Variants in RIPOR3 observed in about 807,000 individuals in gnomAD.
RIPOR3 encodes RIPOR family member 3, also known as family with sequence similarity 65 member C.
In RIPOR3, 95 loss-of-function variants were observed where a neutral mutation model predicts 114.3. That is an observed-to-expected ratio of 0.83 (90% confidence interval 0.70 to 0.99). The LOEUF is 0.99. Among genes scored for constraint, RIPOR3 ranks in the 50% least tolerant of loss-of-function variants. The pLI is 0.00. For synonymous variants in RIPOR3, 575 were observed against 543.8 expected (o/e 1.06, Z -0.80); for missense variants, 1,252 against 1,266.9 (o/e 0.99, Z 0.18).
intron 1 of RIPOR3, among the ~76,000 whole-genome samples, chr20:50,678,802 A>C (rs1057275712): frequency 6.6e-6 from 1 of 151,940 alleles, no homozygotes; most frequent in Admixed American, 6.6e-5. Context: ...CAATCCTTAC[A>C]TCACCCCAGG....
At chr20:50,592,832 G>C (rs975069032) in intron 18 of RIPOR3, among the ~76,000 whole-genome samples, 1 of 152,188 alleles carries the variant, frequency 6.6e-6, no homozygotes, top group Non-Finnish European at 1.5e-5. Flanking sequence ...TCTGACCTCT[G>C]TTCCGTGCTT....
intron 17 of RIPOR3, 53 bp downstream of exon 17, chr20:50,594,500 G>A: frequency 1.3e-6 from 2 of 1,579,286 alleles, no homozygotes; most frequent in Non-Finnish European, 1.7e-6. Flanking sequence ...AGGCCCTGGA[G>A]ACTCAATACA....
At chr20:50,642,875 C>A (rs1464594250) in intron 1 of RIPOR3, among the ~76,000 whole-genome samples, 1 of 152,010 alleles carries the variant, frequency 6.6e-6, no homozygotes, top group Admixed American at 6.6e-5. Context: ...ATGGAGAAAC[C>A]CTGTCTCTAC....
At position 50,604,639 on chromosome 20, in the gene RIPOR3, A is replaced by G. The variant is rs1377403880; in HGVS notation, c.1086+6T>C. 6.2e-7 allele frequency: 1 copy of G among 1,603,700 alleles called. No homozygotes were observed. Among genetic ancestry groups the G allele is most frequent in the East Asian group, 2.3e-5 (1 of 43,918 alleles). ...CAGCGGCCCTGCCCCGGGAAGGCTC[A>G]CTCACCAGGTAGTATCTCTCCCGGA... On this transcript the variant is annotated splice_donor_region_variant and intron_variant, in intron 12 of 21. Coordinates refer to ENST00000327979, the MANE Select transcript of RIPOR3 (RefSeq NM_001290268.2).
Position 50,602,068 on chromosome 20 carries a change from A to G in RIPOR3, c.1659+4T>C, listed in dbSNP as rs760271998. 7.2e-6 allele frequency: 11 copies of G among 1,536,828 alleles called. No individual in the cohort carries two copies. The Admixed American group carries it at 1.4e-4, about 20-fold the overall frequency. On this transcript the variant is annotated splice_donor_region_variant and intron_variant, in intron 13 of 21. Coordinates refer to ENST00000327979, the MANE Select transcript of RIPOR3 (RefSeq NM_001290268.2). The surrounding 1 kb of genome is among the most constrained non-coding windows in gnomAD (Gnocchi z 4.3). ...GGCCACCGCCCGGGGCGGGGTGGCCATACCTTCAGCCGGTCCCGGAAGCCG... is the reference window on the plus strand; with the variant it reads ...GGCCACCGCCCGGGGCGGGGTGGCCGTACCTTCAGCCGGTCCCGGAAGCCG...
In RIPOR3 at chr20:50,609,576, G is replaced by A. The variant is rs1349932323; in HGVS notation, c.573C>T (p.Ala191=). ...AGCCCAGCTTGGCCCGGCCCACCTC[G>A]GCGCACTCGTGCAGGCTGCGGCCCA... is the stretch of plus-strand genomic sequence containing the variant. The part of the protein sequence containing the change: ...QELGRSLHEC[A]EDMWLIEGAL... The change falls in exon 7 of 22, where the codon GCC becomes GCT. Residue 191 remains alanine (A), a synonymous_variant. Coordinates refer to ENST00000327979, the MANE Select transcript of RIPOR3 (RefSeq NM_001290268.2). 11 of 1,423,872 alleles carry A rather than the reference G, an allele frequency of 7.7e-6. No individual in the cohort carries two copies. Among genetic ancestry groups the A allele is most frequent in the Middle Eastern group, 2.2e-4 (1 of 4,452 alleles). The allele number at this position is 1,423,872 out of a possible 1,614,324, so 88.2% of individuals were successfully genotyped here. A position where few individuals can be genotyped will look rare whatever the true frequency, so the allele number is the denominator to read the frequency against.
chr20:50,672,728 T>G (rs1021899160), intron 1 of RIPOR3, among the ~76,000 whole-genome samples: 4 of 152,176 alleles, frequency 2.6e-5, no homozygotes, highest in East Asian at 1.9e-4. Context: ...TCCACCTGCA[T>G]GCACGTCACA....
At chr20:50,604,497 C>T in intron 12 of RIPOR3, 148 bp downstream of exon 12, 2 of 1,216,310 alleles carry the variant, frequency 1.6e-6, no homozygotes, top group Admixed American at 2.9e-5. Context: ...GAAGAAAGTG[C>T]ACAGGAAAAC....
chr20:50,589,910 C>A, intron 19 of RIPOR3, 141 bp from the exon 20 acceptor site: 2 of 685,076 alleles, frequency 2.9e-6, no homozygotes, highest in South Asian at 1.6e-5. Flanking sequence ...ACGATCGGTC[C>A]ATCTTTGGGC....
At chr20:50,594,102 C>G (rs1211312334) in intron 17 of RIPOR3, among the ~76,000 whole-genome samples, 1 of 152,004 alleles carries the variant, frequency 6.6e-6, no homozygotes, top group Non-Finnish European at 1.5e-5. Context: ...AACCCCGTCT[C>G]TACTAAAAAT....
At chr20:50,611,706 G>T (rs908006583) in intron 4 of RIPOR3, among the ~76,000 whole-genome samples, 1 of 152,136 alleles carries the variant, frequency 6.6e-6, no homozygotes, top group African/African-American at 2.4e-5. Context: ...CAGGGGCCAG[G>T]GTGCGACCAA....
intron 2 of RIPOR3, chr20:50,621,149 A>C (rs1356238291): frequency 2.8e-6 from 1 of 358,606 alleles, no homozygotes; most frequent in Non-Finnish European, 5.3e-6. Context: ...AGTAATAAAA[A>C]TCTGGTATCA....
At chr20:50,631,160 C>T (rs1361483846) in intron 1 of RIPOR3, among the ~76,000 whole-genome samples, 1 of 152,156 alleles carries the variant, frequency 6.6e-6, no homozygotes, top group Admixed American at 6.5e-5. Flanking sequence ...CTGAACACAG[C>T]CCTCTCACCC....
chr20:50,690,500 C>T (rs2087174596), intron 1 of RIPOR3, among the ~76,000 whole-genome samples: 1 of 152,150 alleles, frequency 6.6e-6, no homozygotes, highest in South Asian at 2.1e-4. Context: ...TCCTTCTGTC[C>T]CACCTCTGCC....
intron 19 of RIPOR3, 70 bp downstream of exon 19, chr20:50,592,274 A>T: frequency 1.4e-6 from 2 of 1,446,706 alleles, no homozygotes; most frequent in Non-Finnish European, 1.8e-6. Context: ...GTACTTTTCC[A>T]TGAGAACACC....
intron 1 of RIPOR3, among the ~76,000 whole-genome samples, chr20:50,670,435 AGCATTACCTAAAG>A (rs2086434175): frequency 6.7e-6 from 1 of 148,206 alleles, no homozygotes; most frequent in African/African-American, 2.5e-5. Context: ...TTTGAGACCA[AGCATTACCTAAAG>A]GCCTAAAGTA....
chr20:50,652,159 G>A (rs1373351193), intron 1 of RIPOR3, among the ~76,000 whole-genome samples: 4 of 152,200 alleles, frequency 2.6e-5, no homozygotes, highest in Non-Finnish European at 4.4e-5. Context: ...CACCTGTAAG[G>A]GAGGAGGTGG....
At chr20:50,669,446 C>T (rs2086382832) in intron 1 of RIPOR3, among the ~76,000 whole-genome samples, 1 of 152,216 alleles carries the variant, frequency 6.6e-6, no homozygotes, top group Non-Finnish European at 1.5e-5. Flanking sequence ...CCCTTCCCCT[C>T]TCAGGCCTGA....
At chr20:50,651,801 A>G (rs2085622259) in intron 1 of RIPOR3, among the ~76,000 whole-genome samples, 1 of 152,204 alleles carries the variant, frequency 6.6e-6, no homozygotes, top group Admixed American at 6.5e-5. Flanking sequence ...ACTAACACCA[A>G]TGCACCTGTG....
Sources: allele counts gnomAD v4.1 joint callset (sites outside exome capture counted in the v4.1 genomes callset), GRCh38; gene constraint gnomAD v4.1.1; non-coding constraint Gnocchi (gnomAD v3.1); transcripts MANE v1.5; gene names NCBI Gene and HGNC (gene_info 2026-07-23, HGNC 2026-07-21).